Variants in SRBD1 observed in about 807,000 individuals in gnomAD.
SRBD1 encodes the protein S1 RNA binding domain 1, also known as S1 RNA-binding domain-containing protein 1.
In SRBD1, 88 loss-of-function variants were observed where a neutral mutation model predicts 115.3. The ratio of observed to expected loss-of-function variants is 0.76; its 90% CI spans 0.64 to 0.91. The LOEUF (loss-of-function observed/expected upper bound fraction) is 0.91, where lower values mean the gene tolerates loss of function less well. SRBD1 is among the 40% of genes least tolerant of loss of function. The pLI, the probability that SRBD1 is intolerant of heterozygous loss-of-function variation, is 0.00. For synonymous variants in SRBD1, 509 were observed against 407.7 expected, an observed-to-expected ratio of 1.25 and a Z score of -2.99; for missense variants, 1,385 against 1,177.4, an observed-to-expected ratio of 1.18 and a Z score of -2.58.
intron 16 of SRBD1, among the ~76,000 whole-genome samples, chr2:45,434,790 C>CT (rs1226375093): frequency 6.7e-6 from 1 of 150,266 alleles, no homozygotes; most frequent in Admixed American, 6.6e-5. Context: ...TTTAATTATA[C>CT]TTTAAGTTCT....
chr2:45,608,711 A>G (rs547257354), intron 1 of SRBD1, among the ~76,000 whole-genome samples: 31 of 152,232 alleles, frequency 2.0e-4, no homozygotes, highest in Middle Eastern at 6.8e-3. Flanking sequence ...CACATCCACA[A>G]TGGAACTCTT....
At chr2:45,546,397 T>C in intron 14 of SRBD1, 1 of 939,442 alleles carries the variant, frequency 1.1e-6, no homozygotes. Flanking sequence ...CACAGTCTAC[T>C]AGCTGCTAGC....
chr2:45,477,159 T>C, intron 15 of SRBD1, 84 bp from the exon 16 acceptor site: 4 of 1,096,230 alleles, frequency 3.6e-6, no homozygotes, highest in Non-Finnish European at 4.1e-6. Context: ...TCTCATAATG[T>C]AAGTACTTAA....
At chr2:45,500,590 T>C (rs946548837) in intron 14 of SRBD1, among the ~76,000 whole-genome samples, 1 of 152,002 alleles carries the variant, frequency 6.6e-6, no homozygotes, top group African/African-American at 2.4e-5. Context: ...GCCCAGCTAA[T>C]TTTTTTGTAG....
At chr2:45,458,572 AG>A (rs1277283635) in intron 16 of SRBD1, among the ~76,000 whole-genome samples, 5 of 152,270 alleles carry the variant, frequency 3.3e-5, no homozygotes, top group South Asian at 2.1e-4. Flanking sequence ...CAGTGTTTTA[AG>A]AAAAAAGACA....
intron 16 of SRBD1, among the ~76,000 whole-genome samples, chr2:45,468,413 G>A (rs1291480886): frequency 6.7e-6 from 1 of 149,056 alleles, no homozygotes; most frequent in African/African-American, 2.5e-5. Flanking sequence ...TTTGACACAG[G>A]GTCTCACTCT....
intron 4 of SRBD1, among the ~76,000 whole-genome samples, chr2:45,597,362 G>A (rs1193237229): frequency 6.6e-6 from 1 of 151,644 alleles, no homozygotes; most frequent in Non-Finnish European, 1.5e-5. Context: ...AGAGGTTGCA[G>A]TGAGCCAAGA....
chr2:45,582,163 C>T (rs1327492759), intron 5 of SRBD1, among the ~76,000 whole-genome samples: 1 of 152,146 alleles, frequency 6.6e-6, no homozygotes, highest in Non-Finnish European at 1.5e-5. Context: ...CAACTACAGT[C>T]TCCTTCAAGC....
intron 15 of SRBD1, among the ~76,000 whole-genome samples, chr2:45,477,558 C>CT (rs1222593403): frequency 1.3e-5 from 2 of 151,900 alleles, no homozygotes; most frequent in Middle Eastern, 3.4e-3. Flanking sequence ...TTTAAAGTTC[C>CT]TTTTTTTTAG....
At chr2:45,392,853 T>C (rs1667041033) in intron 20 of SRBD1, 92 bp downstream of exon 20, 1 of 1,157,388 alleles carries the variant, frequency 8.6e-7, no homozygotes, top group Non-Finnish European at 1.2e-6. Context: ...TAATATCCAT[T>C]CTGCTTATGG....
At chr2:45,479,475 G>A (rs1669898507) in intron 15 of SRBD1, among the ~76,000 whole-genome samples, 3 of 152,172 alleles carry the variant, frequency 2.0e-5, no homozygotes, top group Non-Finnish European at 4.4e-5. Context: ...TGCTGATATG[G>A]AGAAAGTCTG....
intron 16 of SRBD1, among the ~76,000 whole-genome samples, chr2:45,457,504 A>G (rs1008228461): frequency 2.0e-5 from 3 of 152,108 alleles, no homozygotes; most frequent in Admixed American, 6.6e-5. Context: ...ACCTGCTCCA[A>G]TTAAGCTAGA....
chr2:45,595,348 C>A (rs908932209), intron 4 of SRBD1, among the ~76,000 whole-genome samples: 2 of 152,218 alleles, frequency 1.3e-5, no homozygotes, highest in Non-Finnish European at 2.9e-5. Context: ...ATATAAATGA[C>A]ATTTCCACAT....
chr2:45,460,828 T>C (rs893402264), intron 16 of SRBD1, among the ~76,000 whole-genome samples: 2 of 152,206 alleles, frequency 1.3e-5, no homozygotes, highest in African/African-American at 4.8e-5. Flanking sequence ...GCCCAACCAA[T>C]GCCATTAAAA....
intron 12 of SRBD1, among the ~76,000 whole-genome samples, chr2:45,550,674 A>G (rs182977742): frequency 6.6e-6 from 1 of 152,336 alleles, no homozygotes; most frequent in African/African-American, 2.4e-5. Context: ...AGGCAGAAAG[A>G]AAATGATCTC....
intron 9 of SRBD1, among the ~76,000 whole-genome samples, chr2:45,565,701 A>G (rs368716374): frequency 9.9e-5 from 15 of 152,234 alleles, no homozygotes; most frequent in African/African-American, 2.9e-4. Context: ...TGGGACAAAA[A>G]TTTTTGCAAA....
intron 14 of SRBD1, among the ~76,000 whole-genome samples, chr2:45,490,395 CA>C (rs1670257192): frequency 6.6e-6 from 1 of 152,030 alleles, no homozygotes; most frequent in East Asian, 1.9e-4. Flanking sequence ...TCGTGACCCC[CA>C]AAAAGGTTAA....
intron 16 of SRBD1, among the ~76,000 whole-genome samples, chr2:45,448,254 T>A (rs1027477577): frequency 1.3e-5 from 2 of 152,194 alleles, no homozygotes; most frequent in Non-Finnish European, 2.9e-5. Flanking sequence ...TCAAGTTGTT[T>A]TATCTACGAA....
Position 45,574,717 on chromosome 2 carries a change from G to A in SRBD1, c.1079C>T (p.Ser360Leu), listed in dbSNP as rs1673124194. Residue 360 changes from serine (S) to leucine (L), a missense_variant, in exon 8 of 21, where the codon TCA becomes TTA. Transcript: ENST00000263736. Reference protein sequence around the residue: ...SYIRPDVKGLSTLQDIEIGVQ... With the variant: ...SYIRPDVKGLLTLQDIEIGVQ... The stretch of plus-strand genomic sequence containing the variant: ...TCCTATTTCAATATCCTGAAGCGTT[G>A]AAAGCCCTTTAGGAGAAGGGTAAAA... The A allele has an allele frequency of 2.5e-6, 4 of 1,610,998 alleles. No individual in the cohort carries two copies. The highest frequency in any genetic ancestry group is 3.4e-6 in the Non-Finnish European group (4 of 1,179,160).
Sources: gnomAD v4.1 joint callset for allele counts (sites outside exome capture counted in the v4.1 genomes callset) on GRCh38, gnomAD v4.1.1 for gene constraint, MANE v1.5 for transcripts, NCBI Gene and HGNC (gene_info 2026-07-23, HGNC 2026-07-21) for gene names.